The following PLA2R1 variants were observed in gnomAD, a reference collection of about 807,000 sequenced individuals.
PLA2R1 encodes secretory phospholipase A2 receptor.
A neutral mutation model predicts 195.9 loss-of-function variants in PLA2R1; 158 were observed. The observed-to-expected ratio is 0.81, with a 90% CI of 0.71 to 0.92. The LOEUF (loss-of-function observed/expected upper bound fraction) is 0.92. Among genes scored for constraint, PLA2R1 ranks in the 40% least tolerant of loss-of-function variants. The pLI, the probability that PLA2R1 is intolerant of heterozygous loss-of-function variation, is 0.00. For synonymous variants in PLA2R1, 586 were observed against 598.2 expected, an observed-to-expected ratio of 0.98 and a Z score of 0.30; for missense variants, 1,626 against 1,764.6, an observed-to-expected ratio of 0.92 and a Z score of 1.41.
chr2:160,010,472 A>G (rs1010296969), intron 10 of PLA2R1, among the ~76,000 whole-genome samples: 2 of 152,252 alleles, frequency 1.3e-5, no homozygotes, highest in African/African-American at 4.8e-5. Flanking sequence ...CACAAAAGAA[A>G]TAAGTAATTT....
At chr2:159,954,513 T>C (rs1687959857) in intron 23 of PLA2R1, among the ~76,000 whole-genome samples, 1 of 28,784 alleles carries the variant, frequency 3.5e-5, no homozygotes, top group African/African-American at 6.0e-5. Context: ...TCCAAATAAG[T>C]ATATATATAT....
intron 27 of PLA2R1, chr2:159,946,011 G>A (rs574187356): frequency 2.1e-5 from 21 of 983,584 alleles, no homozygotes; most frequent in Admixed American, 6.2e-5. Flanking sequence ...TTACAAAATG[G>A]CTCACTTTCT....
At chr2:160,005,895 G>A in intron 10 of PLA2R1, 74 bp from the exon 11 acceptor site, 1 of 1,012,252 alleles carries the variant, frequency 9.9e-7, no homozygotes, top group Non-Finnish European at 1.5e-6. Context: ...GCATAATGAA[G>A]TGCACAGAAT....
chr2:160,020,180 A>C lies in PLA2R1; in HGVS notation c.1378T>G (p.Phe460Val). Residue 460 changes from phenylalanine (F) to valine (V), a missense_variant, in exon 8 of 30, where the codon TTT becomes GTT. Transcript: ENST00000283243. ...FEWSNDSSVI[F>V]TNWHTLEPHI... ...GGCTCAAGTGTGTGCCAATTAGTAAAGATGACTGAAGAGTCATTAGACCAT... is the reference window on the plus strand; with the variant it reads ...GGCTCAAGTGTGTGCCAATTAGTAACGATGACTGAAGAGTCATTAGACCAT... 1.9e-6 allele frequency: 3 copies of C among 1,612,690 alleles called. No homozygotes were observed. Among genetic ancestry groups the C allele is most frequent in the Non-Finnish European group, 1.7e-6 (2 of 1,178,634 alleles).
chr2:160,048,340 T>C (rs1695010340), intron 1 of PLA2R1, among the ~76,000 whole-genome samples: 1 of 152,184 alleles, frequency 6.6e-6, no homozygotes, highest in Non-Finnish European at 1.5e-5. Context: ...GAAAAGTTCT[T>C]CAGAATGTGC....
chr2:160,028,458 A>G (rs1182315670), intron 5 of PLA2R1, 97 bp from the exon 6 acceptor site: 1 of 831,466 alleles, frequency 1.2e-6, no homozygotes, highest in Non-Finnish European at 2.0e-6. Context: ...CAGCGTTTCT[A>G]TTTGTCATAT....
chr2:160,041,232 A>G (rs1275796582), intron 3 of PLA2R1, among the ~76,000 whole-genome samples: 3 of 152,178 alleles, frequency 2.0e-5, no homozygotes, highest in Non-Finnish European at 4.4e-5. Context: ...TGTGGAGGGG[A>G]GGCAGGCATG....
chr2:160,047,208 C>T (rs1694922936), intron 1 of PLA2R1, among the ~76,000 whole-genome samples: 1 of 152,148 alleles, frequency 6.6e-6, no homozygotes, highest in Non-Finnish European at 1.5e-5. Flanking sequence ...ATTGCTCCAT[C>T]TCAGTGAGCC....
At position 159,937,565 on chromosome 2, in the gene PLA2R1, A is replaced by G. The variant is rs1307650860; in HGVS notation, c.*4213T>C. On this transcript the variant is annotated 3_prime_UTR_variant, in exon 30 of 30. Transcript: ENST00000283243. ...ACAACTCACATAGAAATCTAAGATA[A>G]ATCAAGCCTTGGGACTTTCTTCTGG... 1 of 152,220 alleles carries G rather than the reference A, an allele frequency of 6.6e-6. No individual in the cohort carries two copies. The highest frequency in any genetic ancestry group is 1.5e-5 in the Non-Finnish European group (1 of 68,038). The allele number at this position is 152,220 out of a possible 1,614,324, so 9.4% of individuals were successfully genotyped here. A position where few individuals can be genotyped will look rare whatever the true frequency, so the allele number is the denominator to read the frequency against.
At chr2:159,956,388 T>A in intron 21 of PLA2R1, 122 bp downstream of exon 21, 1 of 682,708 alleles carries the variant, frequency 1.5e-6, no homozygotes, top group Non-Finnish European at 2.7e-6. Context: ...AACTCGTGTA[T>A]CATCAGCAAC....
intron 3 of PLA2R1, among the ~76,000 whole-genome samples, chr2:160,038,403 T>G (rs1694304285): frequency 6.6e-6 from 1 of 152,156 alleles, no homozygotes; most frequent in Non-Finnish European, 1.5e-5. Context: ...TCTAGCAAGC[T>G]CCCAGGGAAT....
chr2:159,974,665 C>T (rs756540888), intron 17 of PLA2R1, among the ~76,000 whole-genome samples: 4 of 152,040 alleles, frequency 2.6e-5, no homozygotes, highest in Non-Finnish European at 5.9e-5. Flanking sequence ...GTGTTCCATT[C>T]GTAAGAGTGG....
At chr2:159,998,045 T>C (rs1273358207) in intron 11 of PLA2R1, among the ~76,000 whole-genome samples, 1 of 152,152 alleles carries the variant, frequency 6.6e-6, no homozygotes, top group Non-Finnish European at 1.5e-5. Context: ...CACTAGCTCC[T>C]AAGTGTTGGG....
chr2:159,948,406 ATT>A (rs1053050325), intron 25 of PLA2R1, among the ~76,000 whole-genome samples: 4 of 143,764 alleles, frequency 2.8e-5, no homozygotes, highest in Non-Finnish European at 4.6e-5. Flanking sequence ...AGATAATTGA[ATT>A]TTTTTTTTTT....
intron 13 of PLA2R1, among the ~76,000 whole-genome samples, chr2:159,983,146 G>A (rs1240374446): frequency 6.6e-6 from 1 of 152,162 alleles, no homozygotes; most frequent in Non-Finnish European, 1.5e-5. Context: ...AAACTGAGGG[G>A]AGGCAGATTT....
intron 20 of PLA2R1, among the ~76,000 whole-genome samples, chr2:159,960,501 A>G (rs932717516): frequency 6.6e-5 from 10 of 152,208 alleles, no homozygotes; most frequent in Non-Finnish European, 1.3e-4. Context: ...AGTATTTTTA[A>G]GAAAAAACTA....
At chr2:159,931,588 C>A (rs562442264), downstream of PLA2R1, among the ~76,000 whole-genome samples, 24 of 152,306 alleles carry the variant, frequency 1.6e-4, no homozygotes, top group Non-Finnish European at 3.5e-4. Context: ...GGGTCTCACT[C>A]TGTTGCCCAG....
chr2:160,024,024 A>G (rs1452927807), intron 6 of PLA2R1, among the ~76,000 whole-genome samples: 1 of 148,426 alleles, frequency 6.7e-6, no homozygotes, highest in Non-Finnish European at 1.5e-5. Flanking sequence ...CTTGCCACTG[A>G]GGACCCCTGC....
At chr2:160,031,236 T>C (rs1368852174) in intron 4 of PLA2R1, among the ~76,000 whole-genome samples, 1 of 152,186 alleles carries the variant, frequency 6.6e-6, no homozygotes, top group Non-Finnish European at 1.5e-5. Flanking sequence ...TAATTGGGGA[T>C]GTATGCACAA....
Sources: allele counts gnomAD v4.1 joint callset (sites outside exome capture counted in the v4.1 genomes callset), GRCh38; gene constraint gnomAD v4.1.1; transcripts MANE v1.5; gene names NCBI Gene and HGNC (gene_info 2026-07-23, HGNC 2026-07-21).